Variants in ARHGEF10 observed in about 807,000 individuals in gnomAD.
ARHGEF10 encodes Rho guanine nucleotide exchange factor (GEF) 10.
In ARHGEF10, 140 loss-of-function variants were observed where a neutral mutation model predicts 147.4. The ratio of observed to expected loss-of-function variants is 0.95; its 90% CI spans 0.83 to 1.09. ARHGEF10 has a LOEUF of 1.09. Ranked by LOEUF, ARHGEF10 falls within the 50% of genes least tolerant of loss-of-function variation. ARHGEF10 has a pLI of 0.00. For synonymous variants in ARHGEF10, 902 were observed against 695.8 expected (o/e 1.30, Z -4.67); for missense variants, 2,222 against 1,752.7 (o/e 1.27, Z -4.78).
At chr8:1,926,907 G>A (rs1275172099) in intron 23 of ARHGEF10, 1 of 292,348 alleles carries the variant, frequency 3.4e-6, no homozygotes, top group East Asian at 9.7e-5. Context: ...CCTGGTTCTT[G>A]CAAACCAGAG....
intron 23 of ARHGEF10, chr8:1,926,917 G>A (rs921688463): frequency 6.9e-6 from 2 of 287,898 alleles, no homozygotes; most frequent in African/African-American, 4.6e-5. Flanking sequence ...GCAAACCAGA[G>A]GACATTCTTG....
chr8:1,902,219 A>G (rs1395834060), intron 15 of ARHGEF10, among the ~76,000 whole-genome samples: 1 of 152,032 alleles, frequency 6.6e-6, no homozygotes, highest in African/African-American at 2.4e-5. Flanking sequence ...CTCATTGCAG[A>G]ACCACATTTA....
At chr8:1,883,997 C>G (rs1325123594) in intron 10 of ARHGEF10, among the ~76,000 whole-genome samples, 1 of 152,126 alleles carries the variant, frequency 6.6e-6, no homozygotes, top group Admixed American at 6.5e-5. Flanking sequence ...GTGTGTGGGA[C>G]AGTCTGAGAA....
At position 1,945,644 on chromosome 8, in the gene ARHGEF10, A is replaced by G. The variant is rs755393306; in HGVS notation, c.3386A>G (p.Asn1129Ser). The G allele has an allele frequency of 1.2e-5, 20 of 1,614,084 alleles. No individual in the cohort carries two copies. The Admixed American group carries it at 3.0e-4, about 24-fold the overall frequency. ...ATCAACATCGCCACCCCTGTTCACA[A>G]CATGCTGCCAGGTAAGGGGACGGGA... ...QDINIATPVH[N>S]MLPGHQRLSV... Residue 1129 changes from asparagine (N) to serine (S), a missense_variant, in exon 27 of 29, where the codon AAC (asparagine) becomes AGC (serine). Transcript: ENST00000349830.
chr8:1,879,988 T>C, intron 8 of ARHGEF10, 60 bp from the exon 9 acceptor site: 14 of 1,194,400 alleles, frequency 1.2e-5, no homozygotes, highest in Non-Finnish European at 1.6e-5. Context: ...CAATGTAAAA[T>C]TGTCCCAAAG....
At chr8:1,941,070 AG>A (rs1190143541) in intron 26 of ARHGEF10, among the ~76,000 whole-genome samples, 3 of 152,248 alleles carry the variant, frequency 2.0e-5, no homozygotes, top group Admixed American at 2.0e-4. Flanking sequence ...AACAAGACAA[AG>A]ATGCCTTCTG....
chr8:1,957,974 A>G lies in ARHGEF10; in HGVS notation c.*711A>G, dbSNP rs1003683325. The G allele has an allele frequency of 1.3e-5, 2 of 152,296 alleles. No homozygotes were observed. Among genetic ancestry groups the G allele is most frequent in the Admixed American group, 6.5e-5 (1 of 15,292 alleles). The allele number at this position is 152,296 out of a possible 1,614,324, so 9.4% of individuals were successfully genotyped here. On this transcript the variant is annotated 3_prime_UTR_variant, in exon 29 of 29. Transcript: ENST00000349830. ...CACAAATAATGTTTGCTTTGAACCAAAATGCTCAGTGCCTATCAACATTTG... is the reference window on the plus strand; with the variant it reads ...CACAAATAATGTTTGCTTTGAACCAGAATGCTCAGTGCCTATCAACATTTG...
intron 2 of ARHGEF10, among the ~76,000 whole-genome samples, chr8:1,851,045 G>C (rs1457121161): frequency 4.6e-5 from 7 of 152,086 alleles, no homozygotes; most frequent in Non-Finnish European, 8.8e-5. Flanking sequence ...GGGGGGGAGG[G>C]GTGACAGGCG....
chr8:1,901,969 G>A (rs1254297069), intron 15 of ARHGEF10, among the ~76,000 whole-genome samples: 1 of 138,856 alleles, frequency 7.2e-6, no homozygotes, highest in East Asian at 2.3e-4. Flanking sequence ...AAAGATGGTA[G>A]GCAAGACGCA....
intron 2 of ARHGEF10, among the ~76,000 whole-genome samples, chr8:1,848,865 T>G (rs1804754650): frequency 6.6e-6 from 1 of 152,216 alleles, no homozygotes; most frequent in Admixed American, 6.5e-5. Flanking sequence ...CATTAGCAGT[T>G]TTTTTCCCTG....
At chr8:1,824,146 T>G (rs1802591352) in intron 1 of ARHGEF10, 33 bp downstream of exon 1, 1 of 152,132 alleles carries the variant, frequency 6.6e-6, no homozygotes. Flanking sequence ...GTGGGTCCCC[T>G]CGCGGGCTTC....
chr8:1,930,777 G>T (rs1280681788), intron 25 of ARHGEF10, among the ~76,000 whole-genome samples: 3 of 152,226 alleles, frequency 2.0e-5, no homozygotes, highest in Non-Finnish European at 4.4e-5. Flanking sequence ...GTGTGGTTCC[G>T]GCCTGGCCTG....
intron 11 of ARHGEF10, among the ~76,000 whole-genome samples, chr8:1,886,184 A>G (rs917787993): frequency 9.9e-5 from 15 of 152,212 alleles, no homozygotes; most frequent in African/African-American, 3.4e-4. Flanking sequence ...GAAGGGAAAA[A>G]ATCAGTGGTT....
At chr8:1,849,676 C>T (rs572627821) in intron 2 of ARHGEF10, among the ~76,000 whole-genome samples, 37 of 132,312 alleles carry the variant, frequency 2.8e-4, no homozygotes, top group African/African-American at 9.1e-4. Flanking sequence ...GGGGTGGCCA[C>T]GTGGGCATGG....
chr8:1,957,353 A>G lies in ARHGEF10; in HGVS notation c.*90A>G, dbSNP rs1321804355. Reference sequence around the variant, plus strand: ...GCCTGAGTGGTTAAGCTGTGTCTACACTGGTTGGGAATAAATTAAAAACAG... The same window carrying G: ...GCCTGAGTGGTTAAGCTGTGTCTACGCTGGTTGGGAATAAATTAAAAACAG... On this transcript the variant is annotated 3_prime_UTR_variant, in exon 29 of 29. Coordinates refer to ENST00000349830, the MANE Select transcript of ARHGEF10 (RefSeq NM_014629.4). 12 of 1,520,258 alleles carry G rather than the reference A, an allele frequency of 7.9e-6. No homozygotes were observed. The highest frequency in any genetic ancestry group is 1.1e-5 in the Non-Finnish European group (12 of 1,130,176). 94.2% of individuals were successfully genotyped at this position (1,520,258 alleles called of 1,614,324 possible).
intron 28 of ARHGEF10, among the ~76,000 whole-genome samples, chr8:1,955,437 T>C (rs202144078): frequency 3.9e-4 from 57 of 145,274 alleles, no homozygotes; most frequent in East Asian, 6.3e-4. Context: ...TGAAAGGAGG[T>C]GCACTCTCAC....
intron 26 of ARHGEF10, among the ~76,000 whole-genome samples, chr8:1,941,496 T>C (rs1287148902): frequency 1.3e-5 from 2 of 152,062 alleles, no homozygotes; most frequent in Non-Finnish European, 2.9e-5. Flanking sequence ...TGTTCATAGA[T>C]TGGAAGATGT....
At chr8:1,955,657 G>C (rs1815504461) in intron 28 of ARHGEF10, among the ~76,000 whole-genome samples, 1 of 152,154 alleles carries the variant, frequency 6.6e-6, no homozygotes, top group Non-Finnish European at 1.5e-5. Flanking sequence ...CACTCTCACT[G>C]TTTCTCTGGA....
At chr8:1,930,798 C>T (rs1386185652) in intron 25 of ARHGEF10, among the ~76,000 whole-genome samples, 1 of 152,212 alleles carries the variant, frequency 6.6e-6, no homozygotes, top group Non-Finnish European at 1.5e-5. Flanking sequence ...TGCGCACCTG[C>T]GCCAAGAAGG....
Sources: gnomAD v4.1 joint callset for allele counts (sites outside exome capture counted in the v4.1 genomes callset) on GRCh38, gnomAD v4.1.1 for gene constraint, MANE v1.5 for transcripts, NCBI Gene and HGNC (gene_info 2026-07-23, HGNC 2026-07-21) for gene names.